The following SGSM1 variants were observed in gnomAD, a reference collection of about 807,000 sequenced individuals.
The protein encoded by SGSM1 is RUN and TBC1 domain containing 2.
In SGSM1, 73 loss-of-function variants were observed where a neutral mutation model predicts 133.8. That is an observed-to-expected ratio of 0.55 (90% CI 0.45 to 0.66). The LOEUF is 0.66. Among genes scored for constraint, SGSM1 ranks in the 30% least tolerant of loss-of-function variants. The pLI, the probability that SGSM1 is intolerant of heterozygous loss-of-function variation, is 0.00. For synonymous variants in SGSM1, 563 were observed against 573.0 expected, an observed-to-expected ratio of 0.98 and a Z score of 0.25; for missense variants, 1,213 against 1,448.1, an observed-to-expected ratio of 0.84 and a Z score of 2.64.
chr22:24,912,705 G>C lies in SGSM1; in HGVS notation c.2881G>C (p.Gly961Arg). 6.2e-7 allele frequency: 1 copy of C among 1,613,758 alleles called. No individual in the cohort carries two copies. The highest frequency in any genetic ancestry group is 8.5e-7 in the Non-Finnish European group (1 of 1,179,900). The change falls in exon 22 of 25, where the codon GGA becomes CGA. Residue 961 changes from glycine to arginine, a missense_variant. Coordinates refer to ENST00000400358, the MANE Select transcript of SGSM1 (RefSeq NM_001098497.3). ...MKRMNQNFPH[G>R]GAMDTHFANM... is the part of the protein sequence containing the mutation. ...GAGGATGAACCAGAACTTCCCCCAC[G>C]GAGGCGCCATGGACACGCACTTTGC...
At chr22:24,886,077 G>A (rs1932579352) in intron 15 of SGSM1, among the ~76,000 whole-genome samples, 1 of 152,104 alleles carries the variant, frequency 6.6e-6, no homozygotes, top group Non-Finnish European at 1.5e-5. Flanking sequence ...GAATATTGGT[G>A]AGAAGTTAGC....
At position 24,844,965 on chromosome 22, in the gene SGSM1, C is replaced by G. The variant is rs746666170; in HGVS notation, c.132C>G (p.Ser44=). ...FVHEDSSHII[S]FCAAVEACVL... is the part of the protein sequence containing the mutation. The stretch of plus-strand genomic sequence containing the variant: ...ACGAAGACAGCAGCCACATCATCTC[C>G]TTCTGTGGTGAGTCTGTGACCTGGG... The change falls in exon 3 of 25, where the codon TCC becomes TCG. Residue 44 remains serine, a synonymous_variant. Transcript: ENST00000400358. The G allele has an allele frequency of 1.7e-5, 27 of 1,613,624 alleles. 1 individual carries two copies. In the East Asian group the frequency reaches 6.0e-4, roughly 36 times the overall value.
At chr22:24,897,653 G>A (rs1207911214) in intron 18 of SGSM1, among the ~76,000 whole-genome samples, 1 of 152,082 alleles carries the variant, frequency 6.6e-6, no homozygotes, top group Non-Finnish European at 1.5e-5. Flanking sequence ...ATTTTTTGCA[G>A]AGACCAGGTT....
chr22:24,834,997 A>C (rs1929345282), intron 2 of SGSM1, among the ~76,000 whole-genome samples: 1 of 152,110 alleles, frequency 6.6e-6, no homozygotes, highest in African/African-American at 2.4e-5. Context: ...CGACTCACTC[A>C]AGACATACGT....
intron 2 of SGSM1, among the ~76,000 whole-genome samples, chr22:24,810,558 A>G (rs1927676843): frequency 6.6e-6 from 1 of 152,154 alleles, no homozygotes; most frequent in African/African-American, 2.4e-5. Context: ...GGAGCCAGCC[A>G]TGTGATGCCA....
Position 24,876,577 on chromosome 22 carries a change from T to C in SGSM1, c.1292T>C (p.Val431Ala). The stretch of plus-strand genomic sequence containing the variant: ...CTGCCCCTCCTTCTATCCACCACAG[T>C]GCCCCAGGATCTGATGGACGTCTCT... ...IIYPGMQSEF[V>A]PQDLMDVSVS... The change falls in exon 13 of 25, where the codon GTG becomes GCG. Residue 431 changes from valine (V) to alanine (A), a missense_variant and splice_region_variant. Val to Ala is a moderately conservative substitution (Grantham distance 64). Coordinates refer to ENST00000400358, the MANE Select transcript of SGSM1 (RefSeq NM_001098497.3). The C allele has an allele frequency of 1.2e-6, 2 of 1,614,022 alleles. No individual in the cohort carries two copies. Among genetic ancestry groups the C allele is most frequent in the South Asian group, 2.2e-5 (2 of 91,078 alleles).
intron 21 of SGSM1, among the ~76,000 whole-genome samples, chr22:24,907,531 TG>T (rs57205724): frequency 5.5e-4 from 84 of 151,676 alleles, no homozygotes; most frequent in African/African-American, 1.9e-3. Context: ...TTTTTGTTGT[TG>T]TTTTTTTTGG....
intron 19 of SGSM1, among the ~76,000 whole-genome samples, chr22:24,898,898 G>A (rs1457069665): frequency 1.3e-5 from 2 of 151,738 alleles, no homozygotes; most frequent in African/African-American, 2.4e-5. Context: ...GTGGTGGCAG[G>A]CACCTGTAGT....
At chr22:24,886,809 C>T (rs1212371481) in intron 16 of SGSM1, 81 bp downstream of exon 16, 45 of 1,454,828 alleles carry the variant, frequency 3.1e-5, no homozygotes, top group East Asian at 1.3e-4. Flanking sequence ...GCTGGTTCCA[C>T]GCTGGACCAA....
intron 22 of SGSM1, among the ~76,000 whole-genome samples, chr22:24,914,132 A>T (rs976771072): frequency 6.6e-6 from 1 of 152,020 alleles, no homozygotes; most frequent in Non-Finnish European, 1.5e-5. Context: ...CTACTAAAAA[A>T]ATACAAAAAA....
intron 13 of SGSM1, among the ~76,000 whole-genome samples, chr22:24,877,335 T>TAAAGTGGCCAG (rs1300951829): frequency 2.0e-5 from 3 of 152,238 alleles, no homozygotes; most frequent in African/African-American, 7.2e-5. Flanking sequence ...GGTAATGGTT[T>TAAAGTGGCCAG]AAAGTGGCCA....
At chr22:24,844,997 G>A (rs776101391) in intron 3 of SGSM1, 25 bp downstream of exon 3, 1 of 1,611,888 alleles carries the variant, frequency 6.2e-7, no homozygotes, top group South Asian at 1.1e-5. Context: ...TGGGAAAGTG[G>A]CTTCTTTCTC....
rs1233826797 is a variant in SGSM1, at chr22:24,868,452, G to A, written c.1071G>A (p.Gly357=). 3 of 1,613,860 alleles carry A rather than the reference G, an allele frequency of 1.9e-6. No individual in the cohort carries two copies. The highest frequency in any genetic ancestry group is 2.5e-6 in the Non-Finnish European group (3 of 1,179,864). Residue 357 remains glycine, a synonymous_variant, in exon 11 of 25, where the codon GGG becomes GGA. Transcript: ENST00000400358. ...CGCCCTTCCGCTTCCCCAAGGGCGGGCACCTCCTGCAGTTCCTCTCGTGCC... is the reference window on the plus strand; with the variant it reads ...CGCCCTTCCGCTTCCCCAAGGGCGGACACCTCCTGCAGTTCCTCTCGTGCC... ...QRPPFRFPKG[G]HLLQFLSCLE... is the part of the protein sequence containing the mutation.
chr22:24,912,722 G>A lies in SGSM1; in HGVS notation c.2898G>A (p.Thr966=), dbSNP rs527822776. 7.4e-6 allele frequency: 12 copies of A among 1,613,252 alleles called. No individual in the cohort carries two copies. The East Asian group carries it at 1.6e-4, about 21-fold the overall frequency. The change falls in exon 22 of 25, where the codon ACG becomes ACA. Residue 966 remains threonine (T), a synonymous_variant. Coordinates refer to ENST00000400358, the MANE Select transcript of SGSM1 (RefSeq NM_001098497.3). The part of the protein sequence containing the change: ...QNFPHGGAMD[T]HFANMRSLIQ... ...TCCCCCACGGAGGCGCCATGGACAC[G>A]CACTTTGCAAACATGAGATCGTTGA...
chr22:24,851,837 G>C (rs559616735), intron 5 of SGSM1, among the ~76,000 whole-genome samples: 25 of 152,320 alleles, frequency 1.6e-4, no homozygotes, highest in South Asian at 1.2e-3. Flanking sequence ...CTGGTGGAGG[G>C]AATAGCAGGT....
chr22:24,855,930 C>T (rs1268568000), intron 8 of SGSM1: 4 of 665,138 alleles, frequency 6.0e-6, no homozygotes, highest in Admixed American at 4.2e-5. Flanking sequence ...TCCATCCACC[C>T]ATCTTTACAT....
At chr22:24,833,624 C>G (rs192537122) in intron 2 of SGSM1, among the ~76,000 whole-genome samples, 2 of 151,020 alleles carry the variant, frequency 1.3e-5, no homozygotes, top group African/African-American at 4.9e-5. Flanking sequence ...TGCCACTGCA[C>G]TCCAGCCTGG....
intron 2 of SGSM1, among the ~76,000 whole-genome samples, chr22:24,811,608 G>A (rs554084402): frequency 3.6e-4 from 55 of 152,264 alleles, no homozygotes; most frequent in Admixed American, 1.0e-3. Context: ...GCTCATGCCT[G>A]TAATCCCAGC....
At chr22:24,824,168 G>A (rs942429623) in intron 2 of SGSM1, among the ~76,000 whole-genome samples, 1 of 152,160 alleles carries the variant, frequency 6.6e-6, no homozygotes, top group Non-Finnish European at 1.5e-5. Flanking sequence ...ACGTGACTTG[G>A]CCCTGCAGGA....
Sources: allele counts gnomAD v4.1 joint callset (sites outside exome capture counted in the v4.1 genomes callset), GRCh38; gene constraint gnomAD v4.1.1; transcripts MANE v1.5; gene names NCBI Gene and HGNC (gene_info 2026-07-23, HGNC 2026-07-21).